Variants in TMEM248 observed in about 807,000 individuals in gnomAD.
TMEM248 encodes the protein UPF0458 protein C7orf42.
TMEM248 carries 9 observed loss-of-function variants against 30.3 expected under a neutral mutation model. The ratio of observed to expected loss-of-function variants is 0.30; its 90% confidence interval spans 0.18 to 0.52. TMEM248 has a LOEUF of 0.52. Ranked by LOEUF, TMEM248 falls within the 20% of genes least tolerant of loss-of-function variation. TMEM248 has a pLI of 0.97. For synonymous variants in TMEM248, 184 were observed against 154.4 expected (o/e 1.19, Z -1.42); for missense variants, 338 against 403.3 (o/e 0.84, Z 1.39).
At chr7:66,951,245 T>C in intron 5 of TMEM248, 110 bp downstream of exon 5, 1 of 1,024,848 alleles carries the variant, frequency 9.8e-7, no homozygotes, top group South Asian at 2.7e-5. Flanking sequence ...GGTAAGCGTA[T>C]CCTCTGCCAC....
rs537814882 is a variant in TMEM248 at position 66,937,335 on chromosome 7, C to T, written c.-18-4513C>T. ...TTTTAAGACTTGTTCTGTGGCCTAA[C>T]GTGGTCTATTTTTGGGAATGATCCA... On this transcript the variant is annotated intron_variant, in intron 1 of 6. Transcript: ENST00000341567. 6.6e-5 allele frequency among the ~76,000 whole-genome samples: 10 copies of T among 152,192 alleles called. No homozygotes were observed. The South Asian group carries it at 1.2e-3, about 19-fold the overall frequency.
intron 1 of TMEM248, among the ~76,000 whole-genome samples, chr7:66,935,631 T>G (rs767068855): frequency 6.6e-6 from 1 of 152,214 alleles, no homozygotes; most frequent in South Asian, 2.1e-4. Context: ...CAACCTCTGC[T>G]TCCCAGGTTC....
intron 1 of TMEM248, among the ~76,000 whole-genome samples, chr7:66,928,503 A>G (rs1180184574): frequency 2.0e-5 from 3 of 152,182 alleles, no homozygotes; most frequent in African/African-American, 7.2e-5. Context: ...CAGTTTTCTC[A>G]TCTGTAAAGT....
intron 1 of TMEM248, among the ~76,000 whole-genome samples, chr7:66,940,097 G>A (rs1402734265): frequency 2.0e-5 from 3 of 152,138 alleles, no homozygotes; most frequent in Non-Finnish European, 2.9e-5. Context: ...GGGATTACAG[G>A]TGTGCACCAC....
intron 4 of TMEM248, among the ~76,000 whole-genome samples, chr7:66,949,759 C>A (rs1051331308): frequency 2.6e-5 from 4 of 151,980 alleles, no homozygotes; most frequent in African/African-American, 9.7e-5. Flanking sequence ...GCTTTTCCTT[C>A]AGTGTTTTTG....
In TMEM248 at chr7:66,945,176, G is replaced by A. The variant is rs2129224562; in HGVS notation, c.360G>A (p.Leu120=). The A allele has an allele frequency of 6.2e-7, 1 of 1,614,136 alleles. No individual in the cohort carries two copies. The highest frequency in any genetic ancestry group is 1.3e-5 in the African/African-American group (1 of 75,024). The change falls in exon 3 of 7, where the codon CTG becomes CTA. Residue 120 remains leucine, a synonymous_variant. Coordinates refer to ENST00000341567, the MANE Select transcript of TMEM248 (RefSeq NM_017994.5). ...VNISVSITLT[L]DPLKPFGGYS... is the part of the protein sequence containing the mutation. ...TCTCAGTCTCAATCACCCTAACCCT[G>A]GACCCACTGAAACCCTTCGGAGGGT...
chr7:66,946,748 T>C (rs556814684), intron 3 of TMEM248, among the ~76,000 whole-genome samples: 1 of 152,162 alleles, frequency 6.6e-6, no homozygotes, highest in Non-Finnish European at 1.5e-5. Context: ...TACATACTTA[T>C]AAAATGTGGA....
chr7:66,929,722 C>T (rs1286599922), intron 1 of TMEM248, among the ~76,000 whole-genome samples: 34 of 152,014 alleles, frequency 2.2e-4, no homozygotes, highest in Non-Finnish European at 1.5e-5. Flanking sequence ...CTGTGAGCAC[C>T]CGGCTCAGAC....
chr7:66,946,176 T>C (rs1792101141), intron 3 of TMEM248, among the ~76,000 whole-genome samples: 1 of 149,538 alleles, frequency 6.7e-6, no homozygotes, highest in African/African-American at 2.5e-5. Context: ...GCAGGAGAAT[T>C]GTTTGAACCC....
intron 1 of TMEM248, among the ~76,000 whole-genome samples, chr7:66,933,605 C>A (rs556529868): frequency 2.0e-4 from 31 of 152,294 alleles, no homozygotes; most frequent in African/African-American, 7.0e-4. Flanking sequence ...TGTTTCCACG[C>A]CCCTTTTTAA....
chr7:66,942,616 C>T (rs1315807077), intron 2 of TMEM248, among the ~76,000 whole-genome samples: 8 of 152,186 alleles, frequency 5.3e-5, no homozygotes, highest in Non-Finnish European at 1.0e-4. Flanking sequence ...CTGCCTCAGC[C>T]TCCTGAGTAG....
chr7:66,946,812 G>GTTC (rs1792120787), intron 3 of TMEM248, among the ~76,000 whole-genome samples: 1 of 152,232 alleles, frequency 6.6e-6, no homozygotes, highest in Non-Finnish European at 1.5e-5. Flanking sequence ...TGTTGCAGGA[G>GTTC]AAGGGCTAGA....
At position 66,944,926 on chromosome 7, in the gene TMEM248, G is replaced by T. The variant is rs376849422; in HGVS notation, c.160-50G>T. 1.7e-5 allele frequency: 27 copies of T among 1,595,564 alleles called. No individual in the cohort carries two copies. The Middle Eastern group carries it at 6.6e-4, about 39-fold the overall frequency. The stretch of plus-strand genomic sequence containing the variant: ...GGTCTTACCTGTATTCCCGCAGTGG[G>T]AGACAGGCGCTGCTTAACACCCATT... On this transcript the variant is annotated intron_variant, in intron 2 of 6. Coordinates refer to ENST00000341567, the MANE Select transcript of TMEM248 (RefSeq NM_017994.5).
At chr7:66,948,797 AT>A in intron 4 of TMEM248, 103 bp downstream of exon 4, 1 of 1,268,764 alleles carries the variant, frequency 7.9e-7, no homozygotes, top group South Asian at 1.5e-5. Flanking sequence ...CTCACTTCAC[AT>A]TTCTTTATAG....
In TMEM248 at chr7:66,948,612, G is replaced by T; in HGVS notation, c.514G>T (p.Ala172Ser). 3 of 1,614,132 alleles carry T rather than the reference G, an allele frequency of 1.9e-6. No individual in the cohort carries two copies. Among genetic ancestry groups the T allele is most frequent in the African/African-American group, 2.7e-5 (2 of 75,052 alleles). ...TACAGCGTGGAGCTCAGATGACTGC[G>T]CCCTCCACGGTCACTGTGAGCAGGT... ...LPTAWSSDDC[A>S]LHGHCEQVVF... The change falls in exon 4 of 7, where the codon GCC (alanine) becomes TCC (serine). Residue 172 changes from alanine to serine, a missense_variant. Transcript: ENST00000341567.
intron 1 of TMEM248, among the ~76,000 whole-genome samples, chr7:66,936,355 G>A (rs981476714): frequency 2.6e-5 from 4 of 152,084 alleles, no homozygotes; most frequent in African/African-American, 9.7e-5. Context: ...ATGATGTATC[G>A]CTTTGATTTA....
chr7:66,931,662 G>A (rs1791669343), intron 1 of TMEM248, among the ~76,000 whole-genome samples: 1 of 151,846 alleles, frequency 6.6e-6, no homozygotes, highest in Non-Finnish European at 1.5e-5. Flanking sequence ...GTTTTTTGTA[G>A]AGACGGGGTC....
chr7:66,948,957 A>G lies in TMEM248; in HGVS notation c.596+263A>G, dbSNP rs531114621. Among the ~76,000 whole-genome samples, 3 of 152,194 alleles carry G rather than the reference A, an allele frequency of 2.0e-5. No individual in the cohort carries two copies. In the East Asian group the frequency reaches 5.8e-4, roughly 29 times the overall value. On this transcript the variant is annotated intron_variant, in intron 4 of 6. Coordinates refer to ENST00000341567, the MANE Select transcript of TMEM248 (RefSeq NM_017994.5). ...TAAAAGCACCTGGCTGTTGTTGGAC[A>G]TTCATAGGCTGTCTTTCCCGCAGGA...
chr7:66,934,092 T>C (rs1201067189), intron 1 of TMEM248, among the ~76,000 whole-genome samples: 1 of 151,930 alleles, frequency 6.6e-6, no homozygotes, highest in Non-Finnish European at 1.5e-5. Flanking sequence ...TCTTCATTAA[T>C]TTCCTATTTG....
Sources: gnomAD v4.1 joint callset for allele counts (sites outside exome capture counted in the v4.1 genomes callset) on GRCh38, gnomAD v4.1.1 for gene constraint, MANE v1.5 for transcripts, NCBI Gene and HGNC (gene_info 2026-07-23, HGNC 2026-07-21) for gene names.